HIVEP2: variants seen among roughly 807,000 people sequenced by gnomAD.
The protein encoded by HIVEP2 is transcription factor HIVEP2.
In HIVEP2, 14 loss-of-function variants were observed where a neutral mutation model predicts 180.7. The ratio of observed to expected loss-of-function variants is 0.08; its 90% confidence interval spans 0.05 to 0.12. The LOEUF (loss-of-function observed/expected upper bound fraction) is 0.12. HIVEP2 is among the 10% of genes least tolerant of loss of function. HIVEP2 has a pLI of 1.00. For missense variants in HIVEP2, 2,579 were observed against 3,008.5 expected (o/e 0.86, Z 3.34); for synonymous variants, 1,184 against 1,136.4 (o/e 1.04, Z -0.84).
chr6:142,837,449 C>T (rs1176839504), intron 1 of HIVEP2, among the ~76,000 whole-genome samples: 2 of 152,002 alleles, frequency 1.3e-5, no homozygotes, highest in Non-Finnish European at 2.9e-5. Flanking sequence ...GGTGACAGTT[C>T]CTGAAAGCCA....
At chr6:142,832,934 A>C (rs1197078415) in intron 2 of HIVEP2, among the ~76,000 whole-genome samples, 1 of 152,184 alleles carries the variant, frequency 6.6e-6, no homozygotes, top group Non-Finnish European at 1.5e-5. Flanking sequence ...GATTCCCTAA[A>C]AGTATAAGAT....
intron 2 of HIVEP2, among the ~76,000 whole-genome samples, chr6:142,801,414 A>AG (rs1491316487): frequency 1.4e-4 from 4 of 27,598 alleles, no homozygotes; most frequent in African/African-American, 3.3e-4. Flanking sequence ...ACTCTGTCTC[A>AG]AAAAAAAAAA....
intron 1 of HIVEP2, among the ~76,000 whole-genome samples, chr6:142,923,812 C>G (rs964739226): frequency 2.0e-5 from 3 of 152,186 alleles, no homozygotes; most frequent in African/African-American, 7.2e-5. Flanking sequence ...GGTACAGCAA[C>G]GGCTTTTAAT....
chr6:142,796,950 T>C (rs1157975251), intron 2 of HIVEP2, among the ~76,000 whole-genome samples: 1 of 152,164 alleles, frequency 6.6e-6, no homozygotes, highest in African/African-American at 2.4e-5. Context: ...CAACAGTTAG[T>C]TTTATGCAGA....
At chr6:142,882,335 G>A (rs1014867733) in intron 1 of HIVEP2, among the ~76,000 whole-genome samples, 4 of 152,168 alleles carry the variant, frequency 2.6e-5, no homozygotes, top group African/African-American at 9.6e-5. Flanking sequence ...AAGAGGCAGA[G>A]GGCAGTAGCT....
Position 142,770,098 on chromosome 6 carries a change from G to T in HIVEP2, c.4641C>A (p.Ser1547=), listed in dbSNP as rs374345594. 112 of 1,614,220 alleles carry T rather than the reference G, an allele frequency of 6.9e-5. No individual in the cohort carries two copies. In the East Asian group the frequency reaches 2.3e-3, roughly 34 times the overall value. Residue 1547 remains serine (S), a synonymous_variant, in exon 5 of 10, where the codon TCC becomes TCA. Coordinates refer to ENST00000367603, the MANE Select transcript of HIVEP2 (RefSeq NM_006734.4). This position sits in a 1 kb window ranked among gnomAD's most constrained non-coding sequence, Gnocchi z 4.7. ...ACTTCTGCCCCGGAAGTGGTGCCCG[G>T]GAACCGGAAAGCATCTCCTTGCTGG... ...FLPSKEMLSG[S]RAPLPGQKSS...
At chr6:142,855,811 A>G (rs1775804095) in intron 1 of HIVEP2, among the ~76,000 whole-genome samples, 1 of 152,220 alleles carries the variant, frequency 6.6e-6, no homozygotes, top group Admixed American at 6.5e-5. Flanking sequence ...TTATATTTGT[A>G]TCCACAGATT....
intron 1 of HIVEP2, among the ~76,000 whole-genome samples, chr6:142,914,989 C>G (rs1443603960): frequency 2.0e-5 from 3 of 152,108 alleles, no homozygotes; most frequent in African/African-American, 7.2e-5. Context: ...ACTATTTCTC[C>G]CCCATTTAAT....
At chr6:142,886,793 A>G (rs1776708475) in intron 1 of HIVEP2, among the ~76,000 whole-genome samples, 1 of 152,204 alleles carries the variant, frequency 6.6e-6, no homozygotes, top group East Asian at 1.9e-4. Flanking sequence ...CTAACTTTTG[A>G]CAAAACATGT....
Position 142,882,579 on chromosome 6 carries a change from A to G in HIVEP2, c.-640-45532T>C, listed in dbSNP as rs189354231. On this transcript the variant is annotated intron_variant, in intron 1 of 9. Coordinates refer to ENST00000367603, the MANE Select transcript of HIVEP2 (RefSeq NM_006734.4). ...CAATGAGTTATGATCATGCCACTGC[A>G]CTCCAGCCTGGGTGACAAAGCAAGA... 1.3e-3 allele frequency among the ~76,000 whole-genome samples: 194 copies of G among 146,472 alleles called. 2 individuals are homozygous for G. Among genetic ancestry groups the G allele is most frequent in the African/African-American group, 4.7e-3 (187 of 39,812 alleles).
intron 1 of HIVEP2, among the ~76,000 whole-genome samples, chr6:142,939,238 G>C (rs753036301): frequency 6.6e-6 from 1 of 151,920 alleles, no homozygotes; most frequent in Non-Finnish European, 1.5e-5. Flanking sequence ...TCAATTAACA[G>C]AGTAAAAGAA....
chr6:142,795,081 C>G (rs530322304), intron 2 of HIVEP2, among the ~76,000 whole-genome samples: 2 of 152,072 alleles, frequency 1.3e-5, no homozygotes, highest in Non-Finnish European at 2.9e-5. Flanking sequence ...TGAGCAATAT[C>G]TAATATAAAC....
chr6:142,868,397 C>T (rs1230115537), intron 1 of HIVEP2, among the ~76,000 whole-genome samples: 1 of 152,198 alleles, frequency 6.6e-6, no homozygotes, highest in East Asian at 1.9e-4. Flanking sequence ...AGAGCAATCA[C>T]TTAAATCTCG....
At chr6:142,889,432 G>A (rs1053676581) in intron 1 of HIVEP2, among the ~76,000 whole-genome samples, 6 of 151,940 alleles carry the variant, frequency 3.9e-5, no homozygotes, top group South Asian at 2.1e-4. Context: ...CACCCCAGCC[G>A]GAGCAACAGA....
rs142313751 is a variant in HIVEP2, at chr6:142,832,965, T to C, written c.-528+3970A>G. Among the ~76,000 whole-genome samples, 34 of 152,356 alleles carry C rather than the reference T, an allele frequency of 2.2e-4. 1 individual carries two copies. In the East Asian group the frequency reaches 6.4e-3, roughly 29 times the overall value. ...AAGATTTGACTCTGCCCCCAGATTT[T>C]GATACGGCTGGCTTCTATTTCTTTA... is the stretch of plus-strand genomic sequence containing the variant. On this transcript the variant is annotated intron_variant, in intron 2 of 9. Coordinates refer to ENST00000367603, the MANE Select transcript of HIVEP2 (RefSeq NM_006734.4).
At chr6:142,837,153 T>C (rs1775245937) in intron 1 of HIVEP2, 106 bp from the exon 2 acceptor site, 2 of 152,172 alleles carry the variant, frequency 1.3e-5, no homozygotes, top group African/African-American at 4.8e-5. Flanking sequence ...TATTATACTA[T>C]CTTTTCCTAC....
intron 9 of HIVEP2, among the ~76,000 whole-genome samples, chr6:142,758,258 T>C (rs1775131046): frequency 1.3e-5 from 2 of 152,228 alleles, no homozygotes; most frequent in Non-Finnish European, 2.9e-5. Context: ...CCAATTGCTA[T>C]ATATGTTTCT....
intron 1 of HIVEP2, among the ~76,000 whole-genome samples, chr6:142,857,903 T>C (rs1225312185): frequency 3.3e-5 from 5 of 152,006 alleles, no homozygotes; most frequent in Admixed American, 3.3e-4. Context: ...TGGGGTCGGG[T>C]CTTGGGTCTG....
At chr6:142,871,021 T>C (rs973858506) in intron 1 of HIVEP2, among the ~76,000 whole-genome samples, 2 of 152,212 alleles carry the variant, frequency 1.3e-5, no homozygotes, top group Non-Finnish European at 1.5e-5. Context: ...GTCAGGACAC[T>C]GAAAGCGGGA....
Sources: allele counts gnomAD v4.1 joint callset (sites outside exome capture counted in the v4.1 genomes callset), GRCh38; gene constraint gnomAD v4.1.1; non-coding constraint Gnocchi (gnomAD v3.1); transcripts MANE v1.5; gene names NCBI Gene and HGNC (gene_info 2026-07-23, HGNC 2026-07-21).